The following PRKCA variants were observed in gnomAD, a reference collection of about 807,000 sequenced individuals.
PRKCA encodes the protein protein kinase C alpha type.
Under a neutral mutation model 87.0 loss-of-function variants are expected in PRKCA, and 27 were observed. That is an observed-to-expected ratio of 0.31 (90% CI 0.23 to 0.43). PRKCA has a LOEUF of 0.43. Among genes scored for constraint, PRKCA ranks in the 20% least tolerant of loss-of-function variants. PRKCA has a pLI of 1.00. For synonymous variants in PRKCA, 329 were observed against 311.1 expected, an observed-to-expected ratio of 1.06 and a Z score of -0.61; for missense variants, 518 against 852.3, an observed-to-expected ratio of 0.61 and a Z score of 4.88.
intron 3 of PRKCA, among the ~76,000 whole-genome samples, chr17:66,504,666 T>G (rs1267861765): frequency 5.9e-5 from 9 of 152,076 alleles, no homozygotes; most frequent in Admixed American, 5.2e-4. Flanking sequence ...CTGCTGAGTT[T>G]AGCAGGGAGA....
At chr17:66,415,819 A>ACGCC (rs1912110708) in intron 2 of PRKCA, 2 of 152,128 alleles carry the variant, frequency 1.3e-5, no homozygotes, top group African/African-American at 4.8e-5. Flanking sequence ...TGCCTGCTCA[A>ACGCC]ACTTGTTGGG....
In PRKCA at chr17:66,549,625, T is replaced by C. The variant is rs182476934; in HGVS notation, c.288+53342T>C. Among the ~76,000 whole-genome samples, 72 of 152,296 alleles carry C rather than the reference T, an allele frequency of 4.7e-4. No homozygotes were observed. The East Asian group carries it at 5.4e-3, about 11-fold the overall frequency. On this transcript the variant is annotated intron_variant, in intron 3 of 16. Coordinates refer to ENST00000413366, the MANE Select transcript of PRKCA (RefSeq NM_002737.3). ...ATTGATATTGAGCAGTTGTGTGAAT[T>C]CCATTTGGACCTCCTCTGGTGGTGG...
chr17:66,796,639 A>G (rs769568241), intron 16 of PRKCA: 345 of 985,252 alleles, frequency 3.5e-4, no homozygotes, highest in Non-Finnish European at 4.0e-4. Context: ...GGGCAGACCA[A>G]TGGCCAGACC....
chr17:66,684,999 G>A (rs541586084), intron 5 of PRKCA, among the ~76,000 whole-genome samples: 59 of 152,140 alleles, frequency 3.9e-4, no homozygotes, highest in African/African-American at 1.4e-3. Flanking sequence ...TGTTTTAGTG[G>A]GCTAGACTTT....
At chr17:66,529,700 C>A (rs75302009) in intron 3 of PRKCA, among the ~76,000 whole-genome samples, 4,173 of 152,192 alleles carry the variant, frequency 0.027, 174 homozygotes, top group African/African-American at 0.095. Flanking sequence ...AGCAACAAAA[C>A]GAAGATCATT....
In PRKCA at chr17:66,440,213, C is replaced by T. The variant is rs138044891; in HGVS notation, c.206-55988C>T. Among the ~76,000 whole-genome samples the T allele has an allele frequency of 5.9e-5, 9 of 152,234 alleles. No homozygotes were observed. The East Asian group carries it at 9.6e-4, about 16-fold the overall frequency. ...GATTAAACTCAAGTGACTGACAAGG[C>T]GAATAAAAATAGCCCAAAATGAGTC... On this transcript the variant is annotated intron_variant, in intron 2 of 16. Coordinates refer to ENST00000413366, the MANE Select transcript of PRKCA (RefSeq NM_002737.3).
chr17:66,405,157 T>C (rs1299552064), intron 2 of PRKCA, among the ~76,000 whole-genome samples: 1 of 152,146 alleles, frequency 6.6e-6, no homozygotes, highest in Non-Finnish European at 1.5e-5. Context: ...TGATTGTCCA[T>C]GGGCTGGTCT....
chr17:66,546,492 G>C (rs11079658), intron 3 of PRKCA, among the ~76,000 whole-genome samples: 94,012 of 152,102 alleles, frequency 0.62, 30,614 homozygotes, highest in African/African-American at 0.83. Flanking sequence ...TTCCTACGTT[G>C]TGTTAGTTGC....
chr17:66,587,895 GTATATATA>G (rs71160580), intron 3 of PRKCA, among the ~76,000 whole-genome samples: 4,954 of 85,410 alleles, frequency 0.058, 709 homozygotes, highest in African/African-American at 0.14. Flanking sequence ...GTGTGTGTGT[GTATATATA>G]TATATATATA....
At chr17:66,680,422 G>A (rs1393447848) in intron 5 of PRKCA, among the ~76,000 whole-genome samples, 5 of 152,072 alleles carry the variant, frequency 3.3e-5, no homozygotes, top group Admixed American at 2.0e-4. Context: ...CTTGTTTTTG[G>A]CTTTTAAGTA....
At chr17:66,586,388 C>T (rs1198815617) in intron 3 of PRKCA, among the ~76,000 whole-genome samples, 2 of 152,152 alleles carry the variant, frequency 1.3e-5, no homozygotes, top group Non-Finnish European at 2.9e-5. Flanking sequence ...AGGGAATCAG[C>T]AGAATTAGCG....
chr17:66,424,600 T>C (rs547458084), intron 2 of PRKCA, among the ~76,000 whole-genome samples: 6 of 38,450 alleles, frequency 1.6e-4, no homozygotes, highest in South Asian at 9.8e-4. Context: ...CACACACACA[T>C]CTTTGAAGTA....
At chr17:66,679,127 G>A (rs373440665) in intron 5 of PRKCA, among the ~76,000 whole-genome samples, 3 of 151,026 alleles carry the variant, frequency 2.0e-5, no homozygotes, top group African/African-American at 7.3e-5. Context: ...TGTACTAAGA[G>A]GTTTATTGGT....
At chr17:66,347,326 A>C (rs569253554) in intron 2 of PRKCA, among the ~76,000 whole-genome samples, 7 of 152,156 alleles carry the variant, frequency 4.6e-5, no homozygotes, top group Non-Finnish European at 7.3e-5. Context: ...ATCTGTTGTG[A>C]TATGTTTTGG....
rs1973064860 is a variant in PRKCA at position 66,701,542 on chromosome 17, C to A, written c.918+12495C>A. Among the ~76,000 whole-genome samples, 4 of 152,032 alleles carry A rather than the reference C, an allele frequency of 2.6e-5. No individual in the cohort carries two copies. In the South Asian group the frequency reaches 6.2e-4, roughly 24 times the overall value. On this transcript the variant is annotated intron_variant, in intron 8 of 16. Coordinates refer to ENST00000413366, the MANE Select transcript of PRKCA (RefSeq NM_002737.3). ...CCTGTGGAATAGGAGAAAATATTTGCAAACTGTATATCCAATAAGGGTTTA... is the reference window on the plus strand; with the variant it reads ...CCTGTGGAATAGGAGAAAATATTTGAAAACTGTATATCCAATAAGGGTTTA...
chr17:66,592,544 A>G (rs577525015), intron 3 of PRKCA, among the ~76,000 whole-genome samples: 1 of 152,294 alleles, frequency 6.6e-6, no homozygotes, highest in Non-Finnish European at 1.5e-5. Context: ...CGTCCAAGGA[A>G]TCACAGACTT....
chr17:66,435,908 C>T (rs976989057), intron 2 of PRKCA, among the ~76,000 whole-genome samples: 1 of 152,082 alleles, frequency 6.6e-6, no homozygotes, highest in Admixed American at 6.5e-5. Flanking sequence ...AGGACCCATG[C>T]TCTGTTGAAC....
intron 3 of PRKCA, among the ~76,000 whole-genome samples, chr17:66,623,992 C>T (rs1970769418): frequency 6.6e-6 from 1 of 151,958 alleles, no homozygotes; most frequent in South Asian, 2.1e-4. Flanking sequence ...GGGGGCTGTA[C>T]CCAAAGACAC....
intron 3 of PRKCA, among the ~76,000 whole-genome samples, chr17:66,595,917 G>A (rs1598802968): frequency 6.6e-6 from 1 of 152,282 alleles, no homozygotes; most frequent in Non-Finnish European, 1.5e-5. Context: ...GACTGCAAAG[G>A]CGTACGGCAT....
Sources: allele counts gnomAD v4.1 joint callset (sites outside exome capture counted in the v4.1 genomes callset), GRCh38; gene constraint gnomAD v4.1.1; transcripts MANE v1.5; gene names NCBI Gene and HGNC (gene_info 2026-07-23, HGNC 2026-07-21).